NRXN1: variants seen among roughly 807,000 people sequenced by gnomAD.
The protein encoded by NRXN1 is neurexin 1.
In NRXN1, 39 loss-of-function variants were observed where a neutral mutation model predicts 150.9. The observed-to-expected ratio is 0.26, with a 90% confidence interval of 0.20 to 0.34. The LOEUF is 0.34. Among genes scored for constraint, NRXN1 ranks in the 10% least tolerant of loss-of-function variants. The pLI is 1.00. For synonymous variants in NRXN1, 924 were observed against 757.0 expected (o/e 1.22, Z -3.62); for missense variants, 1,815 against 1,949.9 (o/e 0.93, Z 1.30).
At chr2:50,739,388 C>A in intron 5 of NRXN1, 1 of 249,912 alleles carries the variant, frequency 4.0e-6, no homozygotes, top group South Asian at 4.1e-5. Flanking sequence ...TACTTCTGCA[C>A]CTATCCATTT....
At chr2:50,164,011 C>T (rs1239241739) in intron 18 of NRXN1, among the ~76,000 whole-genome samples, 1 of 152,154 alleles carries the variant, frequency 6.6e-6, no homozygotes, top group African/African-American at 2.4e-5. Flanking sequence ...CTTTGTTAGG[C>T]CATACTGATT....
intron 2 of NRXN1, among the ~76,000 whole-genome samples, chr2:51,010,141 G>C (rs781031370): frequency 3.2e-4 from 49 of 152,068 alleles, no homozygotes; most frequent in Non-Finnish European, 5.7e-4. Context: ...TGGACTATTG[G>C]TTTGACATTT....
At chr2:50,444,041 A>G (rs371654230) in intron 17 of NRXN1, among the ~76,000 whole-genome samples, 171 of 152,146 alleles carry the variant, frequency 1.1e-3, no homozygotes, top group African/African-American at 3.8e-3. Flanking sequence ...GCTAACCACA[A>G]CCTGTTCATC....
chr2:50,773,913 G>C (rs1163953199), intron 5 of NRXN1, among the ~76,000 whole-genome samples: 6 of 152,048 alleles, frequency 3.9e-5, no homozygotes, highest in Non-Finnish European at 4.4e-5. Flanking sequence ...GACTGCAACA[G>C]AACACTGATG....
chr2:50,150,468 A>G (rs150623922), intron 18 of NRXN1, among the ~76,000 whole-genome samples: 182 of 151,924 alleles, frequency 1.2e-3, no homozygotes, highest in African/African-American at 4.2e-3. Flanking sequence ...TTACCTACTG[A>G]TAAGTCCACA....
chr2:50,891,012 T>C (rs1680968459), intron 5 of NRXN1, among the ~76,000 whole-genome samples: 1 of 152,022 alleles, frequency 6.6e-6, no homozygotes, highest in Non-Finnish European at 1.5e-5. Context: ...AAGCACATGT[T>C]TATACATGGT....
rs188800892 is a variant in NRXN1 at position 50,105,846 on chromosome 2, T to C, written c.3547-14352A>G. On this transcript the variant is annotated intron_variant, in intron 18 of 22. Coordinates refer to ENST00000401669, the MANE Select transcript of NRXN1 (RefSeq NM_001330078.2). Reference sequence around the variant, plus strand: ...TCAAAAAAGCCACTGCATGGTACTATTACATACATAGTTTATATGGTTTAG... The same window carrying C: ...TCAAAAAAGCCACTGCATGGTACTACTACATACATAGTTTATATGGTTTAG... Among the ~76,000 whole-genome samples, 192 of 152,088 alleles carry C rather than the reference T, an allele frequency of 1.3e-3. 1 individual carries two copies. Among genetic ancestry groups the C allele is most frequent in the Admixed American group, 3.1e-3 (48 of 15,250 alleles).
At position 49,927,795 on chromosome 2, in the gene NRXN1, T is replaced by C. The variant is rs1669360381; in HGVS notation, c.4217-5544A>G. 2.0e-5 allele frequency among the ~76,000 whole-genome samples: 3 copies of C among 152,176 alleles called. No individual in the cohort carries two copies. The South Asian group carries it at 6.2e-4, about 32-fold the overall frequency. ...CATTAGCATGCCATCAGATGGTCTT[T>C]TTATCACTCAAATTGTCATTTTTAT... On this transcript the variant is annotated intron_variant, in intron 22 of 22. Transcript: ENST00000401669.
Position 50,538,328 on chromosome 2 carries a change from T to C in NRXN1, c.2068A>G (p.Met690Val), listed in dbSNP as rs879050750. 4.3e-6 allele frequency: 7 copies of C among 1,613,982 alleles called. No individual in the cohort carries two copies. Among genetic ancestry groups the C allele is most frequent in the Non-Finnish European group, 5.1e-6 (6 of 1,179,858 alleles). Residue 690 changes from methionine to valine, a missense_variant, in exon 10 of 23, where the codon ATG (methionine) becomes GTG (valine). Around this residue, in one of 6 missense-constraint regions of NRXN1, gnomAD observed 638 missense variants for 652.6 expected, o/e 0.98. Coordinates refer to ENST00000401669, the MANE Select transcript of NRXN1 (RefSeq NM_001330078.2). Reference protein sequence around the residue: ...CLSNPCKNNGMCRDGWNRYVC... With the variant: ...CLSNPCKNNGVCRDGWNRYVC... ...TATCTGTTCCACCCATCCCTGCACA[T>C]GCCATTGTTTTTGCAAGGGTTGCTA...
At chr2:50,519,380 GA>G (rs1229265551) in intron 12 of NRXN1, among the ~76,000 whole-genome samples, 9 of 151,836 alleles carry the variant, frequency 5.9e-5, no homozygotes, top group Non-Finnish European at 1.2e-4. Context: ...TTTAGTAATT[GA>G]AAAATATTGG....
chr2:50,753,507 G>C (rs1464698683), intron 5 of NRXN1, among the ~76,000 whole-genome samples: 15 of 151,864 alleles, frequency 9.9e-5, no homozygotes, highest in Admixed American at 9.2e-4. Context: ...TTGATTTTCA[G>C]TATGGAGTCT....
intron 2 of NRXN1, among the ~76,000 whole-genome samples, chr2:50,967,966 A>G (rs1221302917): frequency 6.6e-6 from 1 of 152,058 alleles, no homozygotes; most frequent in Non-Finnish European, 1.5e-5. Flanking sequence ...CTTCTCAATA[A>G]AACAGTTAAG....
At chr2:50,262,416 G>A (rs1290417865) in intron 17 of NRXN1, among the ~76,000 whole-genome samples, 1 of 151,834 alleles carries the variant, frequency 6.6e-6, no homozygotes, top group Non-Finnish European at 1.5e-5. Flanking sequence ...TCTAAAACCA[G>A]TTCCAGGTTT....
chr2:50,695,314 A>C (rs1377365598), intron 5 of NRXN1, among the ~76,000 whole-genome samples: 1 of 152,334 alleles, frequency 6.6e-6, no homozygotes, highest in East Asian at 1.9e-4. Flanking sequence ...CACATGAATT[A>C]AAGATCTTGC....
At chr2:50,914,709 G>A (rs945883322) in intron 5 of NRXN1, among the ~76,000 whole-genome samples, 3 of 151,682 alleles carry the variant, frequency 2.0e-5, no homozygotes, top group Middle Eastern at 6.8e-3. Context: ...CGTTGACTTT[G>A]TTTATTCTTC....
intron 5 of NRXN1, among the ~76,000 whole-genome samples, chr2:50,788,645 C>T (rs1343976540): frequency 1.3e-5 from 2 of 151,784 alleles, no homozygotes; most frequent in Admixed American, 6.6e-5. Flanking sequence ...GAAACCCTTT[C>T]GAGAAGGCCT....
At chr2:50,468,507 A>G (rs1401519296) in intron 16 of NRXN1, among the ~76,000 whole-genome samples, 1 of 151,644 alleles carries the variant, frequency 6.6e-6, no homozygotes, top group African/African-American at 2.4e-5. Flanking sequence ...CTTTTTAGTT[A>G]TGTAATATTA....
At chr2:50,556,020 C>T (rs940652976) in intron 8 of NRXN1, among the ~76,000 whole-genome samples, 3 of 152,120 alleles carry the variant, frequency 2.0e-5, no homozygotes, top group African/African-American at 7.2e-5. Flanking sequence ...AGAACTCTTT[C>T]CTACAAGAAC....
chr2:50,000,763 A>G (rs1351775087), intron 21 of NRXN1, among the ~76,000 whole-genome samples: 1 of 152,164 alleles, frequency 6.6e-6, no homozygotes, highest in Non-Finnish European at 1.5e-5. Flanking sequence ...CTGACTCTGT[A>G]GATTGTTCGC....
Sources: gnomAD v4.1 joint callset for allele counts (sites outside exome capture counted in the v4.1 genomes callset) on GRCh38, gnomAD v4.1.1 for gene constraint, gnomAD v4.1.1 regional missense constraint, MANE v1.5 for transcripts, NCBI Gene and HGNC (gene_info 2026-07-23, HGNC 2026-07-21) for gene names.